Variants in ITGA1 observed in about 807,000 individuals in gnomAD.
ITGA1 encodes integrin alpha-1.
Under a neutral mutation model 145.9 loss-of-function variants are expected in ITGA1, and 85 were observed. That is an observed-to-expected ratio of 0.58 (90% CI 0.49 to 0.70). The LOEUF is 0.70. ITGA1 is among the 30% of genes least tolerant of loss of function. The pLI, the probability that ITGA1 is intolerant of heterozygous loss-of-function variation, is 0.00. For synonymous variants in ITGA1, 520 were observed against 495.3 expected (o/e 1.05, Z -0.66); for missense variants, 1,351 against 1,418.7 (o/e 0.95, Z 0.77).
chr5:52,801,216 A>G (rs1748473905), intron 1 of ITGA1: 4 of 1,300,002 alleles, frequency 3.1e-6, no homozygotes, highest in African/African-American at 3.0e-5. Context: ...AAGAAGAGAA[A>G]GTCTTTACTT....
At chr5:52,937,878 C>T (rs905017674) in intron 24 of ITGA1, among the ~76,000 whole-genome samples, 18 of 152,182 alleles carry the variant, frequency 1.2e-4, no homozygotes, top group African/African-American at 2.4e-4. Flanking sequence ...CCTTGGCTTG[C>T]GGCAGCATAG....
intron 28 of ITGA1, among the ~76,000 whole-genome samples, chr5:52,951,276 C>A (rs1475191817): frequency 1.3e-5 from 2 of 152,214 alleles, no homozygotes; most frequent in East Asian, 3.9e-4. Flanking sequence ...ATTATAGCCC[C>A]CTCTCAAATT....
intron 14 of ITGA1, among the ~76,000 whole-genome samples, chr5:52,910,793 A>G (rs983941118): frequency 1.4e-5 from 2 of 145,174 alleles, no homozygotes; most frequent in African/African-American, 5.0e-5. Context: ...ATATACAAAT[A>G]GTATAAATAT....
intron 15 of ITGA1, 111 bp downstream of exon 15, chr5:52,915,705 A>T: frequency 7.7e-7 from 1 of 1,304,866 alleles, no homozygotes; most frequent in Non-Finnish European, 1.1e-6. Context: ...GTGTTCCACT[A>T]TGCAAATACA....
At chr5:52,943,255 G>A (rs1751080613) in intron 26 of ITGA1, among the ~76,000 whole-genome samples, 1 of 152,146 alleles carries the variant, frequency 6.6e-6, no homozygotes, top group South Asian at 2.1e-4. Context: ...TTTGATGCCT[G>A]TCTCTACCTA....
At chr5:52,875,047 T>C (rs1749843872) in intron 6 of ITGA1, among the ~76,000 whole-genome samples, 1 of 152,178 alleles carries the variant, frequency 6.6e-6, no homozygotes, top group Non-Finnish European at 1.5e-5. Context: ...CAAAAGAATT[T>C]GCTTATAAGT....
intron 17 of ITGA1, 76 bp from the exon 18 acceptor site, chr5:52,922,701 G>A: frequency 4.3e-6 from 4 of 921,072 alleles, no homozygotes; most frequent in Non-Finnish European, 7.0e-6. Context: ...CTTGGGAACA[G>A]AAGAAGGAGA....
At chr5:52,915,736 TG>T (rs1168600969) in intron 15 of ITGA1, 142 bp downstream of exon 15, 1 of 1,002,940 alleles carries the variant, frequency 1.0e-6, no homozygotes, top group African/African-American at 1.6e-5. Context: ...TTGAGTGAGC[TG>T]GAAGAGTCAA....
chr5:52,831,277 C>T (rs1258235724), intron 1 of ITGA1, among the ~76,000 whole-genome samples: 2 of 151,952 alleles, frequency 1.3e-5, no homozygotes, highest in African/African-American at 2.4e-5. Context: ...GGATTACAGA[C>T]GTGCACCACC....
chr5:52,845,719 ACT>A (rs1749321750), intron 1 of ITGA1, among the ~76,000 whole-genome samples: 1 of 152,052 alleles, frequency 6.6e-6, no homozygotes, highest in Non-Finnish European at 1.5e-5. Context: ...GCTGCTAAAC[ACT>A]CTATAGTATA....
At chr5:52,911,024 GTA>G (rs1750509520) in intron 14 of ITGA1, among the ~76,000 whole-genome samples, 2 of 132,540 alleles carry the variant, frequency 1.5e-5, no homozygotes, top group South Asian at 2.3e-4. Context: ...ACTATATATA[GTA>G]TGTATACTGT....
Position 52,889,807 on chromosome 5 carries a change from G to A in ITGA1, c.924+1842G>A, listed in dbSNP as rs1242196108. 3.3e-5 allele frequency: 5 copies of A among 151,860 alleles called. No homozygotes were observed. In the East Asian group the frequency reaches 9.7e-4, roughly 29 times the overall value. 9.4% of individuals were successfully genotyped at this position (151,860 alleles called of 1,614,324 possible). A position where few individuals can be genotyped will look rare whatever the true frequency, so the allele number is the denominator to read the frequency against. On this transcript the variant is annotated intron_variant, in intron 8 of 28. Transcript: ENST00000282588. ...ATGATGCCAGACAAGGCTATTATTG[G>A]AAAAAGAAATGTGAAGCCAAAAAAT...
intron 2 of ITGA1, among the ~76,000 whole-genome samples, chr5:52,857,398 A>G (rs534987736): frequency 6.6e-6 from 1 of 151,736 alleles, no homozygotes; most frequent in Non-Finnish European, 1.5e-5. Flanking sequence ...TCTTGCCATC[A>G]TTTAGCCATA....
intron 6 of ITGA1, among the ~76,000 whole-genome samples, chr5:52,877,132 C>A (rs4642323): frequency 0.11 from 16,111 of 152,150 alleles, 1,088 homozygotes; most frequent in East Asian, 0.3. Context: ...AAAAATCTAT[C>A]TTTTAAAGTA....
intron 18 of ITGA1, among the ~76,000 whole-genome samples, chr5:52,924,527 G>T (rs574408618): frequency 6.6e-6 from 1 of 152,232 alleles, no homozygotes; most frequent in Non-Finnish European, 1.5e-5. Context: ...CGGGTCATTC[G>T]GGACTTGGTG....
rs1325709171 is a variant in ITGA1 at position 52,953,550 on chromosome 5, G to T, written c.*1099G>T. 2 of 152,088 alleles carry T rather than the reference G, an allele frequency of 1.3e-5. No individual in the cohort carries two copies. The highest frequency in any genetic ancestry group is 4.8e-5 in the African/African-American group (2 of 41,408). 9.4% of individuals were successfully genotyped at this position (152,088 alleles called of 1,614,324 possible). Reference sequence around the variant, plus strand: ...CCATTTCAGTATTACATTTTACCAAGAAGTCACTGCTTTTTAGGTGTGTTG... The same window carrying T: ...CCATTTCAGTATTACATTTTACCAATAAGTCACTGCTTTTTAGGTGTGTTG... On this transcript the variant is annotated 3_prime_UTR_variant, in exon 29 of 29. Coordinates refer to ENST00000282588, the MANE Select transcript of ITGA1 (RefSeq NM_181501.2).
chr5:52,894,090 A>G (rs1750191218), intron 9 of ITGA1, among the ~76,000 whole-genome samples: 1 of 152,132 alleles, frequency 6.6e-6, no homozygotes, highest in Non-Finnish European at 1.5e-5. Context: ...CAGCCGATGA[A>G]GACAATGGTC....
chr5:52,840,793 C>T (rs905960942), intron 1 of ITGA1, among the ~76,000 whole-genome samples: 1 of 152,222 alleles, frequency 6.6e-6, no homozygotes. Context: ...CAACTTCTTA[C>T]AGCCAGAATG....
intron 6 of ITGA1, among the ~76,000 whole-genome samples, chr5:52,880,812 G>A (rs1349560558): frequency 6.6e-6 from 1 of 152,208 alleles, no homozygotes; most frequent in Non-Finnish European, 1.5e-5. Context: ...TCTGGATTTT[G>A]AGATAGGATG....
Sources: allele counts gnomAD v4.1 joint callset (sites outside exome capture counted in the v4.1 genomes callset), GRCh38; gene constraint gnomAD v4.1.1; transcripts MANE v1.5; gene names NCBI Gene and HGNC (gene_info 2026-07-23, HGNC 2026-07-21).